Variants in HMGA2 observed in about 807,000 individuals in gnomAD.
HMGA2 encodes high mobility group AT-hook 2, also known as high mobility group protein HMGI-C.
A neutral mutation model predicts 19.1 loss-of-function variants in HMGA2; 8 were observed. That is an observed-to-expected ratio of 0.42 (90% CI 0.25 to 0.76). HMGA2 has a LOEUF of 0.76. Ranked by LOEUF, HMGA2 falls within the 30% of genes least tolerant of loss-of-function variation. HMGA2 has a pLI of 0.28. For synonymous variants in HMGA2, 60 were observed against 48.8 expected, an observed-to-expected ratio of 1.23 and a Z score of -0.96; for missense variants, 109 against 136.3, an observed-to-expected ratio of 0.80 and a Z score of 1.00.
At chr12:65,920,792 C>G (rs780782290) in intron 3 of HMGA2, among the ~76,000 whole-genome samples, 1 of 152,190 alleles carries the variant, frequency 6.6e-6, no homozygotes, top group Non-Finnish European at 1.5e-5. Flanking sequence ...TCAGGTATGT[C>G]TTTATCAGCA....
chr12:65,831,700 C>T (rs1870486132), intron 2 of HMGA2, among the ~76,000 whole-genome samples: 1 of 151,894 alleles, frequency 6.6e-6, no homozygotes, highest in African/African-American at 2.4e-5. Context: ...CATGCTCCTT[C>T]TAATCATTTG....
At chr12:65,861,597 G>A (rs1200339617) in intron 3 of HMGA2, among the ~76,000 whole-genome samples, 2 of 144,260 alleles carry the variant, frequency 1.4e-5, no homozygotes, top group African/African-American at 5.2e-5. Flanking sequence ...TCTCGTTTTA[G>A]GTAATATTGA....
chr12:65,834,748 T>C (rs1592374213), intron 2 of HMGA2, among the ~76,000 whole-genome samples: 1 of 152,256 alleles, frequency 6.6e-6, no homozygotes, highest in African/African-American at 2.4e-5. Context: ...TGAATTTCTT[T>C]CCTAATTAGT....
intron 3 of HMGA2, among the ~76,000 whole-genome samples, chr12:65,904,216 C>T (rs1015953018): frequency 6.6e-6 from 1 of 152,226 alleles, no homozygotes; most frequent in Non-Finnish European, 1.5e-5. Flanking sequence ...GGCCTAGAAT[C>T]TGGGCATACT....
In HMGA2 at chr12:65,938,712, G is replaced by A. The variant is rs114955091; in HGVS notation, c.250-12671G>A. The stretch of plus-strand genomic sequence containing the variant: ...CACCCAGGCTGGAGTGCAGTGGCAC[G>A]ATTACAGCTCATGGCAGCCTCGACC... On this transcript the variant is annotated intron_variant, in intron 3 of 4. Coordinates refer to ENST00000403681, the MANE Select transcript of HMGA2 (RefSeq NM_003483.6). Among the ~76,000 whole-genome samples, 462 of 152,134 alleles carry A rather than the reference G, an allele frequency of 3.0e-3. 3 individuals are homozygous for A. Among genetic ancestry groups the A allele is most frequent in the African/African-American group, 0.01 (434 of 41,512 alleles).
Position 65,962,613 on chromosome 12 carries a change from G to A in HMGA2, c.283-632G>A, listed in dbSNP as rs377728980. ...CTGCCCCTGCTCTCACACTGCCTCT[G>A]CACAGTGGTGTAGGGGTCACACACA... On this transcript the variant is annotated intron_variant, in intron 4 of 4. Transcript: ENST00000403681. 4.6e-5 allele frequency among the ~76,000 whole-genome samples: 7 copies of A among 152,282 alleles called. No homozygotes were observed. The East Asian group carries it at 1.3e-3, about 29-fold the overall frequency.
At chr12:65,944,971 G>A (rs1370925426) in intron 3 of HMGA2, among the ~76,000 whole-genome samples, 2 of 152,078 alleles carry the variant, frequency 1.3e-5, no homozygotes, top group Non-Finnish European at 1.5e-5. Context: ...TTCTGGACTC[G>A]AGTCCTCTTG....
At chr12:65,835,750 C>T (rs974703752) in intron 2 of HMGA2, among the ~76,000 whole-genome samples, 3 of 152,184 alleles carry the variant, frequency 2.0e-5, no homozygotes, top group African/African-American at 7.2e-5. Flanking sequence ...ACCCAGATCA[C>T]ATCATGGCCC....
intron 3 of HMGA2, chr12:65,914,920 C>G: frequency 8.8e-7 from 1 of 1,139,002 alleles, no homozygotes; most frequent in Non-Finnish European, 1.3e-6. Flanking sequence ...GGTGAGCCAC[C>G]CACCTTGGCC....
intron 3 of HMGA2, among the ~76,000 whole-genome samples, chr12:65,948,124 C>T (rs1196182902): frequency 6.6e-6 from 1 of 151,894 alleles, no homozygotes; most frequent in African/African-American, 2.4e-5. Flanking sequence ...CCTTGGTTTC[C>T]CTGTGAGAAA....
At chr12:65,893,543 CCTT>C (rs1874002743) in intron 3 of HMGA2, among the ~76,000 whole-genome samples, 1 of 152,196 alleles carries the variant, frequency 6.6e-6, no homozygotes, top group Non-Finnish European at 1.5e-5. Context: ...GAAACCACCT[CCTT>C]GTTAGAGATT....
chr12:65,963,739 C>A lies in HMGA2; in HGVS notation c.*447C>A. The A allele has an allele frequency of 3.0e-6, 1 of 328,546 alleles. No individual in the cohort carries two copies. The highest frequency in any genetic ancestry group is 5.7e-6 in the Non-Finnish European group (1 of 176,782). 20.4% of individuals were successfully genotyped at this position (328,546 alleles called of 1,614,324 possible). A position where few individuals can be genotyped will look rare whatever the true frequency, so the allele number is the denominator to read the frequency against. ...CATATAGGAAGAACGCGGTGTGTAACACTGTGTACACCTCAAATACCACCC... is the reference window on the plus strand; with the variant it reads ...CATATAGGAAGAACGCGGTGTGTAAAACTGTGTACACCTCAAATACCACCC... On this transcript the variant is annotated 3_prime_UTR_variant, in exon 5 of 5. Coordinates refer to ENST00000403681, the MANE Select transcript of HMGA2 (RefSeq NM_003483.6).
chr12:65,833,245 G>A (rs536081027), intron 2 of HMGA2, among the ~76,000 whole-genome samples: 85 of 152,140 alleles, frequency 5.6e-4, no homozygotes, highest in African/African-American at 1.8e-3. Flanking sequence ...GGATTGATTC[G>A]TAGAGTTGAT....
chr12:65,956,551 A>G (rs577095291), intron 4 of HMGA2: 1 of 152,352 alleles, frequency 6.6e-6, no homozygotes, highest in South Asian at 2.1e-4. Flanking sequence ...ATACAGGAAT[A>G]TTGGCAGGAT....
chr12:65,879,253 A>G (rs1873223997), intron 3 of HMGA2, among the ~76,000 whole-genome samples: 1 of 151,382 alleles, frequency 6.6e-6, no homozygotes, highest in African/African-American at 2.4e-5. Flanking sequence ...TCAGCCTCCC[A>G]AGTAGCTGGG....
chr12:65,920,899 G>A (rs907193084), intron 3 of HMGA2, among the ~76,000 whole-genome samples: 1 of 152,178 alleles, frequency 6.6e-6, no homozygotes, highest in Non-Finnish European at 1.5e-5. Context: ...TTTGGAACTG[G>A]GCAACAAGCA....
At chr12:65,901,905 G>A (rs1027242349) in intron 3 of HMGA2, among the ~76,000 whole-genome samples, 3 of 152,046 alleles carry the variant, frequency 2.0e-5, no homozygotes, top group Non-Finnish European at 4.4e-5. Flanking sequence ...TAAGAAACAC[G>A]ATCTCCACCA....
intron 3 of HMGA2, chr12:65,842,675 G>A (rs1592379825): frequency 6.5e-7 from 1 of 1,528,744 alleles, no homozygotes; most frequent in African/African-American, 1.4e-5. Flanking sequence ...TTGAAAAGAA[G>A]TATTTCTGCT....
chr12:65,963,621 A>G lies in HMGA2; in HGVS notation c.*329A>G, dbSNP rs963525673. The G allele has an allele frequency of 4.8e-6, 2 of 414,614 alleles. No homozygotes were observed. The highest frequency in any genetic ancestry group is 2.7e-5 in the South Asian group (1 of 37,338). 25.7% of individuals were successfully genotyped at this position (414,614 alleles called of 1,614,324 possible). On this transcript the variant is annotated 3_prime_UTR_variant, in exon 5 of 5. Coordinates refer to ENST00000403681, the MANE Select transcript of HMGA2 (RefSeq NM_003483.6). ...TAATAGTTTGTTGATCTGATAAGCAAGAGTGGGCGGGTGAGAAAAACCGAA... is the reference window on the plus strand; with the variant it reads ...TAATAGTTTGTTGATCTGATAAGCAGGAGTGGGCGGGTGAGAAAAACCGAA...
Sources: gnomAD v4.1 joint callset for allele counts (sites outside exome capture counted in the v4.1 genomes callset) on GRCh38, gnomAD v4.1.1 for gene constraint, MANE v1.5 for transcripts, NCBI Gene and HGNC (gene_info 2026-07-23, HGNC 2026-07-21) for gene names.